Variants in PCSK5 observed in about 807,000 individuals in gnomAD.
PCSK5 encodes the protein prohormone convertase 5.
In PCSK5, 129 loss-of-function variants were observed where a neutral mutation model predicts 233.2. That is an observed-to-expected ratio of 0.55 (90% CI 0.48 to 0.64). PCSK5 has a LOEUF of 0.64. Ranked by LOEUF, PCSK5 falls within the 30% of genes least tolerant of loss-of-function variation. The pLI, the probability that PCSK5 is intolerant of heterozygous loss-of-function variation, is 0.00. For synonymous variants in PCSK5, 825 were observed against 879.2 expected, an observed-to-expected ratio of 0.94 and a Z score of 1.09; for missense variants, 2,076 against 2,430.1, an observed-to-expected ratio of 0.85 and a Z score of 3.06.
intron 24 of PCSK5, among the ~76,000 whole-genome samples, chr9:76,290,934 A>C (rs1177894900): frequency 6.6e-6 from 1 of 152,190 alleles, no homozygotes; most frequent in Admixed American, 6.5e-5. Context: ...CTCATTTTAC[A>C]CCCGCAGAAA....
intron 5 of PCSK5, among the ~76,000 whole-genome samples, chr9:76,033,295 A>G (rs1828723108): frequency 6.6e-6 from 1 of 152,126 alleles, no homozygotes. Context: ...ACGTACAAAC[A>G]TTTTTTCTTT....
At chr9:76,287,227 C>G (rs1053602257) in intron 24 of PCSK5, 2 of 220,130 alleles carry the variant, frequency 9.1e-6, no homozygotes, top group Admixed American at 8.3e-5. Context: ...ATGTCTCTAT[C>G]GAAACTCCTC....
chr9:76,362,541 C>T lies in PCSK5; in HGVS notation c.*3619C>T, dbSNP rs931901087. On this transcript the variant is annotated 3_prime_UTR_variant, in exon 38 of 38. Coordinates refer to ENST00000674117, the MANE Select transcript of PCSK5 (RefSeq NM_001372043.1). ...AGCTCAATCTGTCTTTCTGCCTCAT[C>T]AGCACTGCCTCAATCTAAGGGAGGA... 6.6e-6 allele frequency among the ~76,000 whole-genome samples: 1 copy of T among 152,210 alleles called. No individual in the cohort carries two copies. The highest frequency in any genetic ancestry group is 2.4e-5 in the African/African-American group (1 of 41,458).
At chr9:76,234,218 C>T (rs954886108) in intron 22 of PCSK5, among the ~76,000 whole-genome samples, 3 of 152,132 alleles carry the variant, frequency 2.0e-5, no homozygotes, top group Non-Finnish European at 2.9e-5. Flanking sequence ...CTATATACTA[C>T]TTTTTAAATT....
chr9:76,175,166 G>A (rs1327672115), intron 14 of PCSK5, 37 bp downstream of exon 14: 1 of 1,603,472 alleles, frequency 6.2e-7, no homozygotes, highest in African/African-American at 1.4e-5. Flanking sequence ...GCTAAAAAGA[G>A]GCAGCTCATG....
chr9:76,089,783 T>G (rs1831210859), intron 7 of PCSK5, among the ~76,000 whole-genome samples: 2 of 152,206 alleles, frequency 1.3e-5, no homozygotes, highest in African/African-American at 4.8e-5. Flanking sequence ...CATCATAGAC[T>G]GATGTTCTCA....
chr9:76,316,478 C>A (rs1012524548), intron 30 of PCSK5, among the ~76,000 whole-genome samples: 2 of 151,752 alleles, frequency 1.3e-5, no homozygotes, highest in East Asian at 3.9e-4. Context: ...AATCCCAGCA[C>A]TTTGGGATGC....
intron 12 of PCSK5, among the ~76,000 whole-genome samples, chr9:76,162,027 C>G (rs1822883946): frequency 6.6e-6 from 1 of 152,128 alleles, no homozygotes; most frequent in African/African-American, 2.4e-5. Context: ...AAATAAGTAG[C>G]CACTGAAGGG....
In PCSK5 at chr9:76,007,796, TTGTGTGTGTGTGTG is replaced by T. The variant is rs59860078; in HGVS notation, c.412-15910_412-15897del. 7.6e-3 allele frequency among the ~76,000 whole-genome samples: 979 copies of T among 128,306 alleles called. 14 individuals are homozygous for T. The highest frequency in any genetic ancestry group is 0.025 in the African/African-American group (845 of 33,748). The allele number at this position is 128,306 out of a possible 152,430, so 84.2% of individuals were successfully genotyped here. A position where few individuals can be genotyped will look rare whatever the true frequency, so the allele number is the denominator to read the frequency against. ...CGCCTGTCACCATGCCCGGCTAATT[TTGTGTGTGTGTGTG>T]TGTGTGTGTGTGTGTGTGTGTGTGT... On this transcript the variant is annotated intron_variant, in intron 3 of 37. Coordinates refer to ENST00000674117, the MANE Select transcript of PCSK5 (RefSeq NM_001372043.1).
At chr9:76,119,668 A>C (rs1257708764) in intron 9 of PCSK5, among the ~76,000 whole-genome samples, 2 of 152,014 alleles carry the variant, frequency 1.3e-5, no homozygotes, top group Non-Finnish European at 2.9e-5. Flanking sequence ...TTTTGCATGT[A>C]CATAGTATGT....
intron 24 of PCSK5, among the ~76,000 whole-genome samples, chr9:76,284,517 CCT>C (rs1491204912): frequency 1.8e-5 from 2 of 112,764 alleles, no homozygotes; most frequent in East Asian, 4.2e-4. Flanking sequence ...TCCATTAAAC[CCT>C]TTTTTTTTTT....
chr9:76,189,045 C>T, intron 18 of PCSK5, 49 bp from the exon 19 acceptor site: 1 of 1,583,262 alleles, frequency 6.3e-7, no homozygotes, highest in South Asian at 1.1e-5. Flanking sequence ...ATGACACCAC[C>T]TCCTCTGAGG....
intron 5 of PCSK5, among the ~76,000 whole-genome samples, chr9:76,036,380 C>T (rs1181623794): frequency 6.6e-6 from 1 of 152,122 alleles, no homozygotes; most frequent in Non-Finnish European, 1.5e-5. Context: ...TAGATTACAA[C>T]ACATTTGATT....
At chr9:76,012,105 G>A (rs143962490) in intron 3 of PCSK5, among the ~76,000 whole-genome samples, 82 of 152,168 alleles carry the variant, frequency 5.4e-4, no homozygotes, top group African/African-American at 1.9e-3. Flanking sequence ...GAATAAGCAC[G>A]GTTGGAAATT....
intron 5 of PCSK5, among the ~76,000 whole-genome samples, chr9:76,051,376 C>T (rs1170039573): frequency 1.3e-5 from 2 of 152,126 alleles, no homozygotes; most frequent in Non-Finnish European, 2.9e-5. Flanking sequence ...CCCCAGGCCC[C>T]AGAAATGCTT....
chr9:76,276,913 T>A (rs1263194251), intron 24 of PCSK5, among the ~76,000 whole-genome samples: 3 of 152,134 alleles, frequency 2.0e-5, no homozygotes, highest in Non-Finnish European at 4.4e-5. Flanking sequence ...TGAACAAAAA[T>A]TTATGCTTTG....
intron 27 of PCSK5, among the ~76,000 whole-genome samples, chr9:76,299,111 G>A (rs1327238407): frequency 6.6e-6 from 1 of 152,168 alleles, no homozygotes; most frequent in Non-Finnish European, 1.5e-5. Flanking sequence ...AATGACAACA[G>A]TGAGAGAGCC....
intron 20 of PCSK5, among the ~76,000 whole-genome samples, chr9:76,210,864 C>A (rs1170359227): frequency 6.6e-6 from 1 of 152,088 alleles, no homozygotes; most frequent in Non-Finnish European, 1.5e-5. Flanking sequence ...GAATGGAGAG[C>A]TGTTCAGGAG....
chr9:76,179,463 C>T (rs999066951), intron 14 of PCSK5, 133 bp from the exon 15 acceptor site: 3 of 598,094 alleles, frequency 5.0e-6, no homozygotes, highest in Non-Finnish European at 8.7e-6. Context: ...GCCACATTGA[C>T]AATTATTCCT....
Sources: gnomAD v4.1 joint callset for allele counts (sites outside exome capture counted in the v4.1 genomes callset) on GRCh38, gnomAD v4.1.1 for gene constraint, MANE v1.5 for transcripts, NCBI Gene and HGNC (gene_info 2026-07-23, HGNC 2026-07-21) for gene names.